Variants in NXPH2 observed in about 807,000 individuals in gnomAD.
The protein encoded by NXPH2 is neurexophilin-2.
In NXPH2, 5 loss-of-function variants were observed where a neutral mutation model predicts 19.8. The ratio of observed to expected loss-of-function variants is 0.25; its 90% confidence interval spans 0.13 to 0.53. The LOEUF (loss-of-function observed/expected upper bound fraction) is 0.53, where lower values mean the gene tolerates loss of function less well. Ranked by LOEUF, NXPH2 falls within the 20% of genes least tolerant of loss-of-function variation. The pLI is 0.96. For missense variants in NXPH2, 289 were observed against 322.8 expected, an observed-to-expected ratio of 0.90 and a Z score of 0.80; for synonymous variants, 154 against 127.4, an observed-to-expected ratio of 1.21 and a Z score of -1.41.
chr2:138,700,554 T>A (rs1680904839), intron 1 of NXPH2, among the ~76,000 whole-genome samples: 1 of 152,200 alleles, frequency 6.6e-6, no homozygotes, highest in South Asian at 2.1e-4. Context: ...ACATTTAATT[T>A]GAAGTTCTTG....
intron 1 of NXPH2, among the ~76,000 whole-genome samples, chr2:138,774,974 T>G (rs1414414574): frequency 6.6e-6 from 1 of 152,226 alleles, no homozygotes; most frequent in African/African-American, 2.4e-5. Context: ...CATGGAAATC[T>G]AAGTCAGCGT....
At chr2:138,751,254 A>G (rs1463251173) in intron 1 of NXPH2, among the ~76,000 whole-genome samples, 1 of 152,178 alleles carries the variant, frequency 6.6e-6, no homozygotes, top group Non-Finnish European at 1.5e-5. Context: ...ACACTCTGAG[A>G]TCCAGCTACC....
At chr2:138,701,085 C>A (rs1680915301) in intron 1 of NXPH2, among the ~76,000 whole-genome samples, 1 of 152,090 alleles carries the variant, frequency 6.6e-6, no homozygotes. Context: ...CGAAAGCAAT[C>A]AAATAGGAAG....
chr2:138,775,314 T>A (rs1235336691), intron 1 of NXPH2, among the ~76,000 whole-genome samples: 1 of 152,110 alleles, frequency 6.6e-6, no homozygotes. Context: ...AGTTAAAAAA[T>A]AACATAAAAT....
chr2:138,675,953 ATATGTG>A (rs1198967348), intron 1 of NXPH2, among the ~76,000 whole-genome samples: 30 of 31,566 alleles, frequency 9.5e-4, no homozygotes, highest in African/African-American at 3.2e-3. Flanking sequence ...ATATATATAC[ATATGTG>A]TGTGTGTGTG....
At chr2:138,738,611 C>T (rs1006388227) in intron 1 of NXPH2, among the ~76,000 whole-genome samples, 1 of 152,116 alleles carries the variant, frequency 6.6e-6, no homozygotes, top group African/African-American at 2.4e-5. Flanking sequence ...TATAGAAGCA[C>T]CTCTGTTCTA....
At chr2:138,712,966 C>A (rs1292728039) in intron 1 of NXPH2, among the ~76,000 whole-genome samples, 1 of 152,226 alleles carries the variant, frequency 6.6e-6, no homozygotes, top group Non-Finnish European at 1.5e-5. Context: ...TCAGCTATAT[C>A]TAACACTGGT....
At chr2:138,752,827 C>G (rs536272518) in intron 1 of NXPH2, among the ~76,000 whole-genome samples, 1 of 152,216 alleles carries the variant, frequency 6.6e-6, no homozygotes, top group Non-Finnish European at 1.5e-5. Context: ...GAATGTGCTA[C>G]AAGTGGAACT....
At chr2:138,733,321 G>A (rs865807497) in intron 1 of NXPH2, among the ~76,000 whole-genome samples, 45 of 152,150 alleles carry the variant, frequency 3.0e-4, no homozygotes, top group African/African-American at 9.4e-4. Context: ...CAGAAAGAAC[G>A]GATGCGAAGT....
intron 1 of NXPH2, among the ~76,000 whole-genome samples, chr2:138,731,599 A>C (rs1397246023): frequency 6.6e-6 from 1 of 152,118 alleles, no homozygotes; most frequent in Non-Finnish European, 1.5e-5. Context: ...GTTCACCAGG[A>C]AATACCATGC....
At chr2:138,709,425 A>G (rs1398384881) in intron 1 of NXPH2, among the ~76,000 whole-genome samples, 8 of 152,016 alleles carry the variant, frequency 5.3e-5, no homozygotes, top group Admixed American at 6.6e-5. Flanking sequence ...AAGTACAGAG[A>G]TTTCCCATAT....
At chr2:138,733,679 A>T (rs1681486571) in intron 1 of NXPH2, among the ~76,000 whole-genome samples, 1 of 152,176 alleles carries the variant, frequency 6.6e-6, no homozygotes. Context: ...AAGCTCTCAC[A>T]ATGTTCGGCT....
chr2:138,740,108 C>G (rs1573973279), intron 1 of NXPH2, among the ~76,000 whole-genome samples: 4 of 152,088 alleles, frequency 2.6e-5, no homozygotes, highest in Admixed American at 2.6e-4. Flanking sequence ...ATGCTGGGGT[C>G]AAGATCACAC....
At chr2:138,720,655 G>T (rs545548330) in intron 1 of NXPH2, among the ~76,000 whole-genome samples, 33 of 152,336 alleles carry the variant, frequency 2.2e-4, no homozygotes, top group African/African-American at 7.0e-4. Flanking sequence ...AATCCTGGGT[G>T]CAGAGGAGCC....
chr2:138,701,591 CAGCA>C (rs1680923967), intron 1 of NXPH2, among the ~76,000 whole-genome samples: 1 of 152,150 alleles, frequency 6.6e-6, no homozygotes, highest in South Asian at 2.1e-4. Flanking sequence ...GTATCATCTG[CAGCA>C]TGCAGATGAG....
chr2:138,736,864 T>A (rs1367962399), intron 1 of NXPH2, among the ~76,000 whole-genome samples: 2 of 152,208 alleles, frequency 1.3e-5, no homozygotes, highest in Non-Finnish European at 2.9e-5. Flanking sequence ...AAGTTCGAAG[T>A]TCCACAAATC....
At chr2:138,725,045 A>T (rs1681338261) in intron 1 of NXPH2, among the ~76,000 whole-genome samples, 1 of 152,274 alleles carries the variant, frequency 6.6e-6, no homozygotes, top group African/African-American at 2.4e-5. Context: ...GGGAACAGTG[A>T]GAAAGATAAA....
intron 1 of NXPH2, among the ~76,000 whole-genome samples, chr2:138,747,766 A>C (rs750594095): frequency 1.2e-4 from 18 of 152,200 alleles, no homozygotes; most frequent in Non-Finnish European, 2.5e-4. Context: ...GAAGTCCACT[A>C]GCCTGACCAC....
chr2:138,764,984 C>T (rs971149503), intron 1 of NXPH2, among the ~76,000 whole-genome samples: 1 of 152,078 alleles, frequency 6.6e-6, no homozygotes, highest in Non-Finnish European at 1.5e-5. Flanking sequence ...CCTATATTAA[C>T]CTTTGATAGA....
Sources: gnomAD v4.1 joint callset for allele counts (sites outside exome capture counted in the v4.1 genomes callset) on GRCh38, gnomAD v4.1.1 for gene constraint, MANE v1.5 for transcripts, NCBI Gene and HGNC (gene_info 2026-07-23, HGNC 2026-07-21) for gene names.